MAGI2: variants seen among roughly 807,000 people sequenced by gnomAD.
MAGI2 encodes the protein membrane associated guanylate kinase, WW and PDZ domain containing 2.
In MAGI2, 35 loss-of-function variants were observed where a neutral mutation model predicts 133.3. The ratio of observed to expected loss-of-function variants is 0.26; its 90% confidence interval spans 0.20 to 0.35. The LOEUF is 0.35. Among genes scored for constraint, MAGI2 ranks in the 10% least tolerant of loss-of-function variants. MAGI2 has a pLI of 1.00. For missense variants in MAGI2, 1,636 were observed against 1,863.4 expected, an observed-to-expected ratio of 0.88 and a Z score of 2.25; for synonymous variants, 729 against 710.6, an observed-to-expected ratio of 1.03 and a Z score of -0.41.
chr7:78,393,121 G>A (rs907762711), intron 6 of MAGI2, among the ~76,000 whole-genome samples: 1 of 152,142 alleles, frequency 6.6e-6, no homozygotes, highest in Non-Finnish European at 1.5e-5. Context: ...TGTTACACTG[G>A]GGTTTGACTC....
intron 6 of MAGI2, among the ~76,000 whole-genome samples, chr7:78,441,032 T>C (rs1584132971): frequency 6.6e-6 from 1 of 152,150 alleles, no homozygotes; most frequent in South Asian, 2.1e-4. Flanking sequence ...ATGTGGGACT[T>C]GAGGGAGATA....
intron 2 of MAGI2, among the ~76,000 whole-genome samples, chr7:78,764,573 G>T (rs763108898): frequency 5.9e-5 from 9 of 152,152 alleles, no homozygotes; most frequent in Admixed American, 2.6e-4. Context: ...ATGTTAAACA[G>T]TTCTTCTTCC....
intron 3 of MAGI2, among the ~76,000 whole-genome samples, chr7:78,564,185 A>G (rs1249698874): frequency 6.6e-6 from 1 of 152,192 alleles, no homozygotes; most frequent in African/African-American, 2.4e-5. Flanking sequence ...CTGCCTCATA[A>G]TCTGACTGGG....
chr7:79,190,018 T>G (rs1457253453), intron 1 of MAGI2, among the ~76,000 whole-genome samples: 1 of 151,910 alleles, frequency 6.6e-6, no homozygotes, highest in Non-Finnish European at 1.5e-5. Context: ...TGTTCATATA[T>G]TCTACCTATT....
At chr7:79,368,571 A>G (rs1403489695) in intron 1 of MAGI2, among the ~76,000 whole-genome samples, 4 of 152,168 alleles carry the variant, frequency 2.6e-5, no homozygotes, top group Non-Finnish European at 5.9e-5. Flanking sequence ...ATTGTAGGCC[A>G]GGCGCGGTGG....
At chr7:78,157,775 AG>A (rs1249386990) in intron 16 of MAGI2, among the ~76,000 whole-genome samples, 4 of 152,170 alleles carry the variant, frequency 2.6e-5, no homozygotes, top group Non-Finnish European at 5.9e-5. Context: ...GAAAATCCTT[AG>A]TTTTGTATCC....
intron 6 of MAGI2, among the ~76,000 whole-genome samples, chr7:78,453,614 ACCTC>A (rs1788967160): frequency 1.3e-5 from 2 of 151,970 alleles, no homozygotes; most frequent in African/African-American, 4.8e-5. Flanking sequence ...TCCCAGCCAT[ACCTC>A]CCCCGCTGAC....
intron 1 of MAGI2, among the ~76,000 whole-genome samples, chr7:79,423,592 T>A (rs1185716167): frequency 2.6e-5 from 4 of 152,048 alleles, no homozygotes; most frequent in Non-Finnish European, 5.9e-5. Flanking sequence ...AAAATTATTT[T>A]AAAATATTTA....
At chr7:79,297,854 C>A (rs528136546) in intron 1 of MAGI2, among the ~76,000 whole-genome samples, 1 of 152,308 alleles carries the variant, frequency 6.6e-6, no homozygotes, top group Non-Finnish European at 1.5e-5. Flanking sequence ...CTCAGCACAG[C>A]TTTGACTTAA....
intron 6 of MAGI2, among the ~76,000 whole-genome samples, chr7:78,431,253 A>C (rs969107866): frequency 6.6e-6 from 1 of 152,114 alleles, no homozygotes; most frequent in Admixed American, 6.6e-5. Flanking sequence ...TATTTGAGAC[A>C]CTTGCAGATA....
At chr7:78,352,859 A>T (rs552349079) in intron 7 of MAGI2, 1 of 152,292 alleles carries the variant, frequency 6.6e-6, no homozygotes, top group South Asian at 2.1e-4. Context: ...ATAAAGGAAG[A>T]TTCATCACTA....
intron 7 of MAGI2, among the ~76,000 whole-genome samples, chr7:78,357,369 GTTGA>G (rs925204302): frequency 2.0e-5 from 3 of 152,020 alleles, no homozygotes; most frequent in African/African-American, 4.8e-5. Flanking sequence ...TTTTCTCTGG[GTTGA>G]TTAATAGTTA....
intron 2 of MAGI2, among the ~76,000 whole-genome samples, chr7:78,876,661 A>G (rs1795449525): frequency 6.6e-6 from 1 of 152,156 alleles, no homozygotes; most frequent in East Asian, 1.9e-4. Flanking sequence ...GGGAACAATG[A>G]TATGTTTCTT....
At chr7:78,597,141 C>A (rs963809449) in intron 3 of MAGI2, among the ~76,000 whole-genome samples, 6 of 151,982 alleles carry the variant, frequency 3.9e-5, no homozygotes, top group African/African-American at 1.4e-4. Flanking sequence ...AGGAGGCTAA[C>A]CAGAAAGACA....
chr7:78,256,446 T>C lies in MAGI2; in HGVS notation c.1544A>G (p.Asp515Gly), dbSNP rs765063981. The C allele has an allele frequency of 1.9e-6, 3 of 1,613,824 alleles. No individual in the cohort carries two copies. The South Asian group carries it at 3.3e-5, about 18-fold the overall frequency. ...VLCRGYPLPF[D>G]PEDPANSMVP... The stretch of plus-strand genomic sequence containing the variant: ...CATGCTGTTAGCAGGGTCTTCAGGA[T>C]CAAAGGGCAAAGGGTAGCCACGACA... The change falls in exon 10 of 22, where the codon GAT (aspartate) becomes GGT (glycine). Residue 515 changes from aspartate (D) to glycine (G), a missense_variant. By Grantham distance (94) the Asp-to-Gly change is moderately conservative. Around this residue, in one of 5 missense-constraint regions of MAGI2, gnomAD observed 920 missense variants for 1,093.5 expected, o/e 0.84. Transcript: ENST00000354212.
intron 2 of MAGI2, among the ~76,000 whole-genome samples, chr7:78,750,829 C>T (rs7807216): frequency 0.015 from 2,346 of 152,096 alleles, 59 homozygotes; most frequent in African/African-American, 0.051. Context: ...TGCTGATATA[C>T]GACAGATATA....
intron 2 of MAGI2, among the ~76,000 whole-genome samples, chr7:78,666,887 C>T (rs1813652716): frequency 6.6e-6 from 1 of 152,126 alleles, no homozygotes; most frequent in African/African-American, 2.4e-5. Context: ...TTTCTATTAA[C>T]ATCAGTTTCT....
chr7:78,952,427 T>A (rs895775864), intron 2 of MAGI2, among the ~76,000 whole-genome samples: 4 of 152,172 alleles, frequency 2.6e-5, no homozygotes, highest in African/African-American at 9.6e-5. Context: ...AAAAAACTGT[T>A]TTCATCCATG....
intron 21 of MAGI2, among the ~76,000 whole-genome samples, chr7:78,043,177 A>T (rs1811035007): frequency 6.6e-6 from 1 of 152,264 alleles, no homozygotes; most frequent in African/African-American, 2.4e-5. Flanking sequence ...TTTAATATGC[A>T]TATAGAGTGG....
Sources: gnomAD v4.1 joint callset for allele counts (sites outside exome capture counted in the v4.1 genomes callset) on GRCh38, gnomAD v4.1.1 for gene constraint, gnomAD v4.1.1 regional missense constraint, MANE v1.5 for transcripts, NCBI Gene and HGNC (gene_info 2026-07-23, HGNC 2026-07-21) for gene names.